Variants in STIM1 observed in about 807,000 individuals in gnomAD.
The protein encoded by STIM1 is stromal interaction molecule 1.
STIM1 carries 25 observed loss-of-function variants against 74.7 expected under a neutral mutation model. The ratio of observed to expected loss-of-function variants is 0.33; its 90% CI spans 0.24 to 0.47. STIM1 has a LOEUF of 0.47. Among genes scored for constraint, STIM1 ranks in the 20% least tolerant of loss-of-function variants. The probability of loss-of-function intolerance (pLI) is 1.00; values close to 1 mark genes in which losing one functional copy is unlikely to be tolerated. For synonymous variants in STIM1, 328 were observed against 348.8 expected (o/e 0.94, Z 0.66); for missense variants, 728 against 920.8 (o/e 0.79, Z 2.71).
intron 1 of STIM1, among the ~76,000 whole-genome samples, chr11:3,871,915 G>C (rs184282378): frequency 5.3e-5 from 8 of 152,272 alleles, no homozygotes; most frequent in African/African-American, 1.9e-4. Flanking sequence ...ACACAAATTT[G>C]AGTAATTTAT....
intron 3 of STIM1, among the ~76,000 whole-genome samples, chr11:4,037,458 C>T (rs2094113534): frequency 1.3e-5 from 2 of 152,150 alleles, no homozygotes; most frequent in Admixed American, 6.5e-5. Flanking sequence ...TTTTGAAGCT[C>T]TGTTACTAGG....
At chr11:3,997,495 A>T (rs1379318360) in intron 2 of STIM1, among the ~76,000 whole-genome samples, 1 of 152,220 alleles carries the variant, frequency 6.6e-6, no homozygotes, top group Non-Finnish European at 1.5e-5. Context: ...TCTCTAAAAA[A>T]AAAATAAAAT....
chr11:4,041,732 G>A (rs1266036771), intron 3 of STIM1, among the ~76,000 whole-genome samples: 2 of 152,066 alleles, frequency 1.3e-5, no homozygotes, highest in East Asian at 1.9e-4. Flanking sequence ...TGGGACTACA[G>A]GTGCGCGCCA....
chr11:3,943,773 A>C (rs557059594), intron 1 of STIM1, among the ~76,000 whole-genome samples: 54 of 152,322 alleles, frequency 3.5e-4, no homozygotes, highest in African/African-American at 1.3e-3. Flanking sequence ...AAATTATCCT[A>C]GAATAGATGG....
chr11:3,908,983 T>C (rs1047632534), intron 1 of STIM1, among the ~76,000 whole-genome samples: 1 of 152,194 alleles, frequency 6.6e-6, no homozygotes, highest in Non-Finnish European at 1.5e-5. Context: ...GGTTTTATGA[T>C]GATTTGGAAG....
chr11:4,057,793 C>T (rs2094301839), intron 4 of STIM1, among the ~76,000 whole-genome samples: 1 of 151,780 alleles, frequency 6.6e-6, no homozygotes, highest in Admixed American at 6.6e-5. Context: ...TGGCGTGAAC[C>T]CGGGAGGTGG....
At chr11:3,978,217 C>T (rs569969945) in intron 2 of STIM1, among the ~76,000 whole-genome samples, 95 of 150,478 alleles carry the variant, frequency 6.3e-4, no homozygotes, top group African/African-American at 2.2e-3. Context: ...GGCACTATCT[C>T]GGCTTACCGC....
chr11:4,018,199 C>T (rs2093917495), intron 2 of STIM1, among the ~76,000 whole-genome samples: 1 of 151,740 alleles, frequency 6.6e-6, no homozygotes, highest in Non-Finnish European at 1.5e-5. Context: ...CCTGTAATCC[C>T]AGCACTTTGG....
intron 2 of STIM1, among the ~76,000 whole-genome samples, chr11:3,990,247 A>G (rs1041691470): frequency 2.6e-5 from 4 of 152,180 alleles, no homozygotes; most frequent in African/African-American, 7.2e-5. Flanking sequence ...ATATATCTGT[A>G]CTTTATTTCT....
intron 5 of STIM1, among the ~76,000 whole-genome samples, chr11:4,064,460 G>A (rs1243026665): frequency 6.6e-6 from 1 of 152,160 alleles, no homozygotes; most frequent in African/African-American, 2.4e-5. Context: ...TGAGTGAGCA[G>A]ACACTTAGAC....
intron 2 of STIM1, among the ~76,000 whole-genome samples, chr11:4,015,326 A>G (rs921857660): frequency 1.3e-5 from 2 of 152,190 alleles, no homozygotes; most frequent in Non-Finnish European, 2.9e-5. Flanking sequence ...TTGGCTGGAT[A>G]TGAAATTCTG....
At chr11:3,885,203 G>A (rs963565675) in intron 1 of STIM1, among the ~76,000 whole-genome samples, 7 of 150,132 alleles carry the variant, frequency 4.7e-5, no homozygotes, top group Non-Finnish European at 1.0e-4. Context: ...TTTTGAGACA[G>A]TATCTCACTC....
intron 1 of STIM1, among the ~76,000 whole-genome samples, chr11:3,903,158 C>T (rs540496559): frequency 1.8e-4 from 28 of 152,228 alleles, no homozygotes; most frequent in African/African-American, 6.5e-4. Flanking sequence ...GATGGGAAAA[C>T]TGAGGCCTAG....
At chr11:3,895,584 GGGAATA>G (rs2092038119) in intron 1 of STIM1, among the ~76,000 whole-genome samples, 1 of 137,550 alleles carries the variant, frequency 7.3e-6, no homozygotes, top group South Asian at 2.3e-4. Context: ...TCTGGGTTCC[GGGAATA>G]GTGTTCTTTC....
chr11:3,885,323 C>T (rs769352443), intron 1 of STIM1, among the ~76,000 whole-genome samples: 36 of 151,988 alleles, frequency 2.4e-4, no homozygotes, highest in Admixed American at 2.6e-4. Context: ...GGGCTATAGA[C>T]GTGTGCTAGC....
chr11:3,963,961 G>T lies in STIM1; in HGVS notation c.140-3591G>T, dbSNP rs111311462. 4.3e-3 allele frequency among the ~76,000 whole-genome samples: 655 copies of T among 152,326 alleles called. 2 individuals are homozygous for T. The highest frequency in any genetic ancestry group is 7.5e-3 in the Non-Finnish European group (508 of 68,042). On this transcript the variant is annotated intron_variant, in intron 1 of 12. Coordinates refer to ENST00000526596, the MANE Select transcript of STIM1 (RefSeq NM_001382567.1). ...GAACTGTTTACTTGCTGCTCTGGGGGTAAAGAAGGATACTTCAAATGTATT... is the reference window on the plus strand; with the variant it reads ...GAACTGTTTACTTGCTGCTCTGGGGTTAAAGAAGGATACTTCAAATGTATT...
chr11:3,946,202 A>G (rs914697318), intron 1 of STIM1, among the ~76,000 whole-genome samples: 1 of 152,190 alleles, frequency 6.6e-6, no homozygotes, highest in Non-Finnish European at 1.5e-5. Context: ...TCCTTATACA[A>G]TACTAATTTT....
At chr11:3,978,497 A>G (rs1565134831) in intron 2 of STIM1, among the ~76,000 whole-genome samples, 1 of 148,222 alleles carries the variant, frequency 6.7e-6, no homozygotes, top group Non-Finnish European at 1.5e-5. Context: ...ACGGTGGCTC[A>G]TGCCTGTAAT....
chr11:3,929,987 A>G (rs1347126643), intron 1 of STIM1, among the ~76,000 whole-genome samples: 2 of 152,174 alleles, frequency 1.3e-5, no homozygotes, highest in East Asian at 1.9e-4. Flanking sequence ...ACAACTGGAC[A>G]GAGAATGGAA....
Sources: allele counts gnomAD v4.1 joint callset (sites outside exome capture counted in the v4.1 genomes callset), GRCh38; gene constraint gnomAD v4.1.1; transcripts MANE v1.5; gene names NCBI Gene and HGNC (gene_info 2026-07-23, HGNC 2026-07-21).